The following CFLAR variants were observed in gnomAD, a reference collection of about 807,000 sequenced individuals.
CFLAR encodes the protein CASP8 and FADD like apoptosis regulator.
Under a neutral mutation model 51.1 loss-of-function variants are expected in CFLAR, and 14 were observed. The ratio of observed to expected loss-of-function variants is 0.27; its 90% CI spans 0.18 to 0.43. CFLAR has a LOEUF of 0.43. CFLAR is among the 20% of genes least tolerant of loss of function. The pLI is 1.00. For missense variants in CFLAR, 390 were observed against 566.5 expected, an observed-to-expected ratio of 0.69 and a Z score of 3.16; for synonymous variants, 210 against 211.6, an observed-to-expected ratio of 0.99 and a Z score of 0.06.
At chr2:201,139,107 G>A (rs1264529216) in intron 4 of CFLAR, 7 of 377,116 alleles carry the variant, frequency 1.9e-5, no homozygotes, top group South Asian at 1.0e-4. Context: ...CTTCTGCCTC[G>A]AGATGCTGTT....
intron 8 of CFLAR, chr2:201,153,053 G>A (rs1456611023): frequency 6.6e-6 from 1 of 152,236 alleles, no homozygotes; most frequent in African/African-American, 2.4e-5. Context: ...ACATCTTGGT[G>A]GTACATTGCT....
chr2:201,140,563 A>T, intron 5 of CFLAR, 124 bp downstream of exon 5: 1 of 684,412 alleles, frequency 1.5e-6, no homozygotes, highest in Admixed American at 3.7e-5. Context: ...AGAAATGTGT[A>T]TTTGTTTTAA....
intron 3 of CFLAR, among the ~76,000 whole-genome samples, chr2:201,133,510 A>G (rs1273310524): frequency 1.3e-5 from 2 of 152,154 alleles, no homozygotes; most frequent in African/African-American, 4.8e-5. Flanking sequence ...TCACTCTCCT[A>G]CTGCCATCTA....
rs1391760296 is a variant in CFLAR at position 201,163,902 on chromosome 2, T to C, written c.1372T>C (p.Ser458Pro). ...GYMYDWNSRVSAKEKYYVWLQ... is the reference protein window; with the variant it reads ...GYMYDWNSRVPAKEKYYVWLQ... ...CATGTATGATTGGAACAGCAGAGTT[T>C]CTGCCAAGGAGAAATATTATGTCTG... Residue 458 changes from serine (S) to proline (P), a missense_variant, in exon 10 of 10, where the codon TCT becomes CCT. By Grantham distance (74) the Ser-to-Pro change is moderately conservative. Transcript: ENST00000309955. 3 of 1,614,194 alleles carry C rather than the reference T, an allele frequency of 1.9e-6. No individual in the cohort carries two copies. In the Admixed American group the frequency reaches 5.0e-5, roughly 27 times the overall value.
intron 2 of CFLAR, 41 bp downstream of exon 2, chr2:201,130,187 G>GTTGGC: frequency 3.4e-6 from 1 of 292,394 alleles, no homozygotes; most frequent in Non-Finnish European, 7.1e-6. Context: ...GGGTGGGAGG[G>GTTGGC]AGTGAAGTGT....
rs1575949573 is a variant in CFLAR at position 201,160,745 on chromosome 2, C to T, written c.1107C>T (p.Asp369=). ...TGGTGTCAGAGGGCCAGCTGGAGGA[C>T]AGCAGCCTCTTGGAGGTGGATGGGC... ...NYVVSEGQLE[D]SSLLEVDGPA... Residue 369 remains aspartate, a synonymous_variant, in exon 9 of 10, where the codon GAC becomes GAT. Transcript: ENST00000309955. 1.2e-6 allele frequency: 2 copies of T among 1,614,116 alleles called. 1 individual carries two copies. Among genetic ancestry groups the T allele is most frequent in the Middle Eastern group, 3.3e-4 (2 of 6,062 alleles).
rs548954013 is a variant in CFLAR, at chr2:201,121,119, T to G, written c.-138+4638T>G. Among the ~76,000 whole-genome samples the G allele has an allele frequency of 6.6e-5, 10 of 152,306 alleles. No individual in the cohort carries two copies. In the East Asian group the frequency reaches 1.7e-3, roughly 26 times the overall value. On this transcript the variant is annotated intron_variant, in intron 1 of 9. Transcript: ENST00000309955. ...GCCATGGTATGCTATTGAAACCCCA[T>G]AGTTCAGATTTTATACTTGAGTTCT...
chr2:201,130,183 G>C, intron 2 of CFLAR, 37 bp downstream of exon 2: 49 of 854,240 alleles, frequency 5.7e-5, no homozygotes, highest in Middle Eastern at 4.6e-4. Context: ...GGGTGGGTGG[G>C]AGGGAGTGAA....
chr2:201,137,597 G>C (rs1317417381), intron 4 of CFLAR: 1 of 746,498 alleles, frequency 1.3e-6, no homozygotes, highest in African/African-American at 1.7e-5. Context: ...TCTCAAACTT[G>C]AGCTCCCCTG....
intron 9 of CFLAR, chr2:201,162,830 C>T (rs756052567): frequency 3.4e-5 from 18 of 535,614 alleles, no homozygotes; most frequent in Non-Finnish European, 5.1e-5. Flanking sequence ...TCAGTAGTCA[C>T]ATTTCTACAG....
intron 9 of CFLAR, 160 bp from the exon 10 acceptor site, chr2:201,163,675 A>G (rs944496773): frequency 9.8e-6 from 14 of 1,427,266 alleles, no homozygotes; most frequent in Non-Finnish European, 1.2e-5. Context: ...AGGCCAGAGT[A>G]TTGCAAGTTA....
At chr2:201,133,236 T>G (rs2049565552) in intron 3 of CFLAR, 102 bp downstream of exon 3, 2 of 777,196 alleles carry the variant, frequency 2.6e-6, no homozygotes, top group Middle Eastern at 3.5e-4. Flanking sequence ...GCCGCCACTA[T>G]AGTGGGAGTC....
intron 5 of CFLAR, among the ~76,000 whole-genome samples, chr2:201,142,998 C>A (rs1939291852): frequency 6.6e-6 from 1 of 152,106 alleles, no homozygotes; most frequent in African/African-American, 2.4e-5. Context: ...GATTCAGATC[C>A]AGGTTTTCTG....
intron 4 of CFLAR, chr2:201,137,527 A>G (rs1451049811): frequency 1.5e-6 from 1 of 661,310 alleles, no homozygotes; most frequent in East Asian, 2.8e-5. Context: ...CAGTACAGCC[A>G]CTTCTCGTAA....
Position 201,138,676 on chromosome 2 carries a change from C to A in CFLAR, c.524-1681C>A, listed in dbSNP as rs527829210. ...CGCATCTTGGCCTCCAACACATCAC[C>A]CACAGTGTGCAAGGGGCTCAGCACC... is the stretch of plus-strand genomic sequence containing the variant. On this transcript the variant is annotated intron_variant, in intron 4 of 9. Transcript: ENST00000309955. This position sits in a 1 kb window ranked among gnomAD's most constrained non-coding sequence, Gnocchi z 4.0. 57 of 968,106 alleles carry A rather than the reference C, an allele frequency of 5.9e-5. No homozygotes were observed. The East Asian group carries it at 1.3e-3, about 21-fold the overall frequency. The allele number at this position is 968,106 out of a possible 1,614,324, so 60.0% of individuals were successfully genotyped here.
chr2:201,166,240 G>A lies in CFLAR; in HGVS notation c.*2267G>A, dbSNP rs1407308183. ...ACCCCCCACCTCCCTCCCCGACGGG[G>A]CGGCTGGCCGGGCGGGGGCTGACCC... On this transcript the variant is annotated 3_prime_UTR_variant, in exon 10 of 10. Transcript: ENST00000309955. 1 of 141,948 alleles carries A rather than the reference G, an allele frequency of 7.0e-6. No homozygotes were observed. Among genetic ancestry groups the A allele is most frequent in the Non-Finnish European group, 1.6e-5 (1 of 62,860 alleles). The allele number at this position is 141,948 out of a possible 1,614,324, so 8.8% of individuals were successfully genotyped here.
Position 201,138,324 on chromosome 2 carries a change from C to T in CFLAR, c.524-2033C>T, listed in dbSNP as rs866000546. 1.0e-5 allele frequency: 8 copies of T among 770,478 alleles called. No homozygotes were observed. The highest frequency in any genetic ancestry group is 7.3e-5 in the East Asian group (3 of 40,932). The allele number at this position is 770,478 out of a possible 1,614,324, so 47.7% of individuals were successfully genotyped here. A position where few individuals can be genotyped will look rare whatever the true frequency, so the allele number is the denominator to read the frequency against. ...TCCTCATGGGTACCCACAGCTGCCC[C>T]GCCCAGCAGCTGCTCATGGGAATCC... is the stretch of plus-strand genomic sequence containing the variant. On this transcript the variant is annotated intron_variant, in intron 4 of 9. Coordinates refer to ENST00000309955, the MANE Select transcript of CFLAR (RefSeq NM_003879.7). This position sits in a 1 kb window ranked among gnomAD's most constrained non-coding sequence, Gnocchi z 4.0.
At chr2:201,135,593 A>G (rs1279577949) in intron 3 of CFLAR, among the ~76,000 whole-genome samples, 1 of 152,038 alleles carries the variant, frequency 6.6e-6, no homozygotes, top group Non-Finnish European at 1.5e-5. Context: ...GCTATAAATC[A>G]CATGGACTGA....
chr2:201,134,998 T>A (rs533431319), intron 3 of CFLAR, among the ~76,000 whole-genome samples: 1 of 152,358 alleles, frequency 6.6e-6, no homozygotes, highest in Non-Finnish European at 1.5e-5. Context: ...AAATTATGAT[T>A]ATTATTTTCA....
Sources: gnomAD v4.1 joint callset for allele counts (sites outside exome capture counted in the v4.1 genomes callset) on GRCh38, gnomAD v4.1.1 for gene constraint, Gnocchi (gnomAD v3.1) non-coding constraint, MANE v1.5 for transcripts, NCBI Gene and HGNC (gene_info 2026-07-23, HGNC 2026-07-21) for gene names.